PCDH11X: variants seen among roughly 807,000 people sequenced by gnomAD.
The protein encoded by PCDH11X is protocadherin-11 X-linked.
Under a neutral mutation model 53.3 loss-of-function variants are expected in PCDH11X, and 18 were observed. That is an observed-to-expected ratio of 0.34 (90% CI 0.23 to 0.50). The LOEUF is 0.50. Among genes scored for constraint, PCDH11X ranks in the 20% least tolerant of loss-of-function variants. The pLI, the probability that PCDH11X is intolerant of heterozygous loss-of-function variation, is 0.98. For synonymous variants in PCDH11X, 279 were observed against 393.3 expected, an observed-to-expected ratio of 0.71 and a Z score of 3.44; for missense variants, 570 against 1,032.4, an observed-to-expected ratio of 0.55 and a Z score of 6.14.
At chrX:92,031,926 G>A (rs1263067761) in intron 6 of PCDH11X, among the ~76,000 whole-genome samples, 3 of 111,268 alleles carry the variant, frequency 2.7e-5, no homozygotes, top group Admixed American at 9.6e-5. Flanking sequence ...TTATTCCTCC[G>A]GTTTTATTCT....
intron 10 of PCDH11X, among the ~76,000 whole-genome samples, chrX:92,492,370 G>A (rs6619050): frequency 0.12 from 13,777 of 111,121 alleles, 916 homozygotes; most frequent in East Asian, 0.44. Flanking sequence ...AATTCAATTA[G>A]TTTGAATTTG....
intron 6 of PCDH11X, among the ~76,000 whole-genome samples, chrX:91,915,013 A>G (rs1463484069): frequency 9.1e-6 from 1 of 109,951 alleles, no homozygotes; most frequent in African/African-American, 3.3e-5. Context: ...CAGATAACCT[A>G]TAAAGGAAAA....
intron 8 of PCDH11X, among the ~76,000 whole-genome samples, chrX:92,320,622 G>A (rs2069178687): frequency 9.0e-6 from 1 of 110,813 alleles, no homozygotes; most frequent in Non-Finnish European, 1.9e-5. Flanking sequence ...GGAATGAAAG[G>A]ACAAATTTTC....
intron 5 of PCDH11X, among the ~76,000 whole-genome samples, chrX:91,871,210 A>G (rs1367855436): frequency 4.5e-5 from 5 of 110,536 alleles, no homozygotes; most frequent in South Asian, 3.8e-4. Flanking sequence ...AATGTGTATT[A>G]AAGTATTTCC....
chrX:92,321,026 A>G (rs1172617282), intron 8 of PCDH11X, among the ~76,000 whole-genome samples: 1 of 107,502 alleles, frequency 9.3e-6, no homozygotes, highest in Non-Finnish European at 1.9e-5. Context: ...AAGACATAGA[A>G]GCTTACAGCC....
chrX:92,269,777 C>G (rs1481000704), intron 8 of PCDH11X, among the ~76,000 whole-genome samples: 1 of 111,769 alleles, frequency 8.9e-6, no homozygotes, highest in Non-Finnish European at 1.9e-5. Flanking sequence ...ATGTAATTCA[C>G]TACTAAATTG....
intron 5 of PCDH11X, among the ~76,000 whole-genome samples, chrX:91,868,813 T>C (rs1290319454): frequency 1.8e-5 from 2 of 111,744 alleles, no homozygotes; most frequent in Non-Finnish European, 3.8e-5. Context: ...AAATTTACCA[T>C]TAGATCATTA....
intron 7 of PCDH11X, among the ~76,000 whole-genome samples, chrX:92,256,157 C>T (rs1192000042): frequency 2.7e-5 from 3 of 112,087 alleles, no homozygotes; most frequent in African/African-American, 9.7e-5. Context: ...TTAAGCTCGT[C>T]GGAAAAGCGC....
At chrX:92,163,328 A>G (rs1488506434) in intron 6 of PCDH11X, among the ~76,000 whole-genome samples, 1 of 108,756 alleles carries the variant, frequency 9.2e-6, no homozygotes, top group Non-Finnish European at 1.9e-5. Context: ...TACCAGATTC[A>G]CGCCCTACCC....
At chrX:92,010,240 G>GA (rs967725632) in intron 6 of PCDH11X, among the ~76,000 whole-genome samples, 8 of 109,182 alleles carry the variant, frequency 7.3e-5, no homozygotes, top group Middle Eastern at 4.7e-3. Flanking sequence ...ACAATGCAAA[G>GA]AAAAAGAAAT....
chrX:92,131,348 T>C (rs2064968375), intron 6 of PCDH11X, among the ~76,000 whole-genome samples: 1 of 111,439 alleles, frequency 9.0e-6, no homozygotes, highest in Admixed American at 9.7e-5. Context: ...AGAAAATAAA[T>C]GTTAAGGAGG....
At chrX:92,179,897 A>G (rs1337821909) in intron 6 of PCDH11X, among the ~76,000 whole-genome samples, 1 of 111,597 alleles carries the variant, frequency 9.0e-6, no homozygotes, top group African/African-American at 3.3e-5. Flanking sequence ...TTCTTATCTC[A>G]CTTGATCTAC....
chrX:92,133,694 G>A (rs111574255), intron 6 of PCDH11X, among the ~76,000 whole-genome samples: 3,531 of 112,284 alleles, frequency 0.031, 144 homozygotes, highest in African/African-American at 0.11. Flanking sequence ...GAGAAACCAC[G>A]TATCTTAGAA....
At chrX:92,321,592 CTTTAAG>C (rs1274786310) in intron 8 of PCDH11X, among the ~76,000 whole-genome samples, 2 of 111,859 alleles carry the variant, frequency 1.8e-5, no homozygotes, top group Non-Finnish European at 3.8e-5. Flanking sequence ...ATAATTTATT[CTTTAAG>C]TTTAAGAGTC....
intron 6 of PCDH11X, among the ~76,000 whole-genome samples, chrX:91,957,551 A>C (rs1364244607): frequency 9.8e-6 from 1 of 102,095 alleles, no homozygotes; most frequent in Non-Finnish European, 2.0e-5. Context: ...GGTCTGCTTT[A>C]GACCCTAGTT....
At chrX:92,147,987 T>TCC (rs1569388756) in intron 6 of PCDH11X, among the ~76,000 whole-genome samples, 14 of 84,384 alleles carry the variant, frequency 1.7e-4, no homozygotes, top group African/African-American at 6.9e-4. Flanking sequence ...CTTCCTTCCT[T>TCC]TCTTTCTTTC....
intron 6 of PCDH11X, among the ~76,000 whole-genome samples, chrX:91,907,230 T>C (rs1265648046): frequency 1.9e-5 from 2 of 107,450 alleles, no homozygotes; most frequent in Non-Finnish European, 3.8e-5. Flanking sequence ...TTTAGTGTTT[T>C]TGTACATAGT....
intron 6 of PCDH11X, among the ~76,000 whole-genome samples, chrX:92,018,547 G>A (rs7055904): frequency 1.5e-3 from 169 of 112,130 alleles, no homozygotes; most frequent in African/African-American, 5.1e-3. Flanking sequence ...AATGAATACA[G>A]CCTCTCAGGA....
In PCDH11X at chrX:92,523,672, G is replaced by A. The variant is rs1403771968; in HGVS notation, c.3367+55350G>A. 4.5e-5 allele frequency among the ~76,000 whole-genome samples: 5 copies of A among 111,518 alleles called. No homozygotes were observed. In the East Asian group the frequency reaches 1.4e-3, roughly 32 times the overall value. ...GTTCACAGGGCTTCTCTAAGGGAAGGGTCAGGCACTGTAATGAACACTTAT... is the reference window on the plus strand; with the variant it reads ...GTTCACAGGGCTTCTCTAAGGGAAGAGTCAGGCACTGTAATGAACACTTAT... On this transcript the variant is annotated intron_variant, in intron 10 of 10. Transcript: ENST00000682573.
Sources: allele counts gnomAD v4.1 joint callset (sites outside exome capture counted in the v4.1 genomes callset), GRCh38; gene constraint gnomAD v4.1.1; transcripts MANE v1.5; gene names NCBI Gene and HGNC (gene_info 2026-07-23, HGNC 2026-07-21).